Variants in LRRC4C observed in about 807,000 individuals in gnomAD.
The protein encoded by LRRC4C is leucine-rich repeat-containing protein 4C.
A neutral mutation model predicts 33.6 loss-of-function variants in LRRC4C; 5 were observed. The observed-to-expected ratio is 0.15, with a 90% CI of 0.08 to 0.31. LRRC4C has a LOEUF of 0.31. Among genes scored for constraint, LRRC4C ranks in the 10% least tolerant of loss-of-function variants. The pLI is 1.00. For synonymous variants in LRRC4C, 329 were observed against 302.0 expected, an observed-to-expected ratio of 1.09 and a Z score of -0.93; for missense variants, 560 against 796.7, an observed-to-expected ratio of 0.70 and a Z score of 3.58.
intron 1 of LRRC4C, among the ~76,000 whole-genome samples, chr11:40,988,747 C>T (rs1295465550): frequency 8.8e-6 from 1 of 113,014 alleles, no homozygotes; most frequent in Non-Finnish European, 1.7e-5. Flanking sequence ...GACAGAGTGT[C>T]GTTAGGTCGC....
At chr11:40,747,589 A>T (rs1458087904) in intron 2 of LRRC4C, among the ~76,000 whole-genome samples, 4 of 152,128 alleles carry the variant, frequency 2.6e-5, no homozygotes. Context: ...AGATTCTAGA[A>T]AAAAGAATTC....
chr11:40,147,633 C>G (rs1204648940), intron 5 of LRRC4C, among the ~76,000 whole-genome samples: 3 of 151,066 alleles, frequency 2.0e-5, no homozygotes, highest in Non-Finnish European at 4.4e-5. Flanking sequence ...GTAGGTTAGA[C>G]AGATAATAAA....
Position 40,889,930 on chromosome 11 carries a change from T to G in LRRC4C, c.-407+43705A>C, listed in dbSNP as rs141328788. Among the ~76,000 whole-genome samples, 233 of 152,282 alleles carry G rather than the reference T, an allele frequency of 1.5e-3. 2 individuals are homozygous for G. Among genetic ancestry groups the G allele is most frequent in the African/African-American group, 5.5e-3 (227 of 41,562 alleles). On this transcript the variant is annotated intron_variant, in intron 2 of 6. Transcript: ENST00000528697. ...ATCCTGGCTTATAGTCAATGTATAA[T>G]TAAAAACTCTAATACAGCACAGAAC... is the stretch of plus-strand genomic sequence containing the variant.
At chr11:40,824,583 T>A (rs1952077674) in intron 2 of LRRC4C, among the ~76,000 whole-genome samples, 1 of 151,968 alleles carries the variant, frequency 6.6e-6, no homozygotes, top group Non-Finnish European at 1.5e-5. Flanking sequence ...TTTCTAACTA[T>A]TCTATTATTA....
chr11:41,086,576 T>A (rs1216021665), intron 1 of LRRC4C, among the ~76,000 whole-genome samples: 3 of 152,136 alleles, frequency 2.0e-5, no homozygotes, highest in Non-Finnish European at 1.5e-5. Flanking sequence ...ATCTAAAATA[T>A]TCAGTTCAAA....
At chr11:40,460,226 G>A (rs1349536213) in intron 3 of LRRC4C, among the ~76,000 whole-genome samples, 1 of 151,984 alleles carries the variant, frequency 6.6e-6, no homozygotes, top group African/African-American at 2.4e-5. Context: ...CTATACATCA[G>A]GCACTGTGCT....
At chr11:40,542,645 C>T (rs1175942960) in intron 3 of LRRC4C, among the ~76,000 whole-genome samples, 1 of 152,066 alleles carries the variant, frequency 6.6e-6, no homozygotes, top group Non-Finnish European at 1.5e-5. Context: ...CTTTCTCTCT[C>T]TCTCTCTTGC....
intron 1 of LRRC4C, among the ~76,000 whole-genome samples, chr11:41,003,454 A>G (rs1231719451): frequency 6.6e-6 from 1 of 152,178 alleles, no homozygotes; most frequent in Admixed American, 6.5e-5. Flanking sequence ...TGGAAATGCT[A>G]CATTCACAGA....
intron 1 of LRRC4C, among the ~76,000 whole-genome samples, chr11:41,244,881 CT>C (rs1948390940): frequency 6.6e-6 from 1 of 152,092 alleles, no homozygotes; most frequent in Non-Finnish European, 1.5e-5. Context: ...CTGGCTCAGG[CT>C]TTCTATCCAT....
At chr11:40,301,948 T>C (rs1487530237) in intron 4 of LRRC4C, among the ~76,000 whole-genome samples, 1 of 152,226 alleles carries the variant, frequency 6.6e-6, no homozygotes, top group Non-Finnish European at 1.5e-5. Context: ...GAGACACCTT[T>C]ATCACCTGAA....
At chr11:40,862,071 G>A (rs1036743896) in intron 2 of LRRC4C, among the ~76,000 whole-genome samples, 3 of 152,152 alleles carry the variant, frequency 2.0e-5, no homozygotes, top group African/African-American at 7.2e-5. Flanking sequence ...ACCTCTGACA[G>A]GACATGGGAG....
intron 1 of LRRC4C, among the ~76,000 whole-genome samples, chr11:41,306,970 C>A (rs1398188059): frequency 6.6e-6 from 1 of 152,168 alleles, no homozygotes; most frequent in Non-Finnish European, 1.5e-5. Flanking sequence ...TAAATGGCAT[C>A]CCAGACCATC....
intron 1 of LRRC4C, among the ~76,000 whole-genome samples, chr11:41,349,683 C>G (rs1448868093): frequency 6.6e-6 from 1 of 152,124 alleles, no homozygotes; most frequent in African/African-American, 2.4e-5. Context: ...ACAGCAACTT[C>G]ACACATTAAA....
chr11:41,039,610 A>G (rs1200275638), intron 1 of LRRC4C, among the ~76,000 whole-genome samples: 1 of 152,206 alleles, frequency 6.6e-6, no homozygotes, highest in Non-Finnish European at 1.5e-5. Flanking sequence ...GTTAGTCGTC[A>G]CTGTTTAAGA....
intron 1 of LRRC4C, among the ~76,000 whole-genome samples, chr11:41,136,984 A>C (rs971214210): frequency 4.6e-5 from 7 of 152,126 alleles, no homozygotes; most frequent in Non-Finnish European, 8.8e-5. Context: ...GCGGCAACTC[A>C]CCCTTCTAAT....
At chr11:40,767,521 C>T (rs1393140273) in intron 2 of LRRC4C, among the ~76,000 whole-genome samples, 2 of 152,072 alleles carry the variant, frequency 1.3e-5, no homozygotes, top group South Asian at 4.1e-4. Context: ...GAGGAATATA[C>T]ATACTTTTCA....
rs114605576 is a variant in LRRC4C, at chr11:40,963,891, T to C, written c.-495-30168A>G. On this transcript the variant is annotated intron_variant, in intron 1 of 6. Coordinates refer to ENST00000528697, the MANE Select transcript of LRRC4C (RefSeq NM_001258419.2). ...TTTGCTGGCAATGTCTTCTTAGTTT[T>C]ACTACTGCAAAATGCAGAAATGCCA... 1.6e-3 allele frequency among the ~76,000 whole-genome samples: 244 copies of C among 151,918 alleles called. 1 individual carries two copies. Among genetic ancestry groups the C allele is most frequent in the African/African-American group, 5.7e-3 (235 of 41,526 alleles).
chr11:41,305,227 TGG>T (rs1271452950), intron 1 of LRRC4C, among the ~76,000 whole-genome samples: 1 of 30,838 alleles, frequency 3.2e-5, no homozygotes, highest in African/African-American at 8.6e-5. Flanking sequence ...GGGAGGGAGG[TGG>T]GGGGGTCAGC....
chr11:40,795,419 A>C (rs1203566710), intron 2 of LRRC4C, among the ~76,000 whole-genome samples: 1 of 152,072 alleles, frequency 6.6e-6, no homozygotes, highest in Non-Finnish European at 1.5e-5. Context: ...AGTCCCAGCT[A>C]CTCGGGAGAC....
Sources: allele counts gnomAD v4.1 joint callset (sites outside exome capture counted in the v4.1 genomes callset), GRCh38; gene constraint gnomAD v4.1.1; transcripts MANE v1.5; gene names NCBI Gene and HGNC (gene_info 2026-07-23, HGNC 2026-07-21).